Variants in ABCA6 observed in about 807,000 individuals in gnomAD.
The protein encoded by ABCA6 is ATP binding cassette subfamily A member 6, also known as ATP-binding cassette sub-family A member 6.
Under a neutral mutation model 191.2 loss-of-function variants are expected in ABCA6, and 164 were observed. The ratio of observed to expected loss-of-function variants is 0.86; its 90% CI spans 0.76 to 0.98. The LOEUF (loss-of-function observed/expected upper bound fraction) is 0.98, where lower values mean the gene tolerates loss of function less well. Ranked by LOEUF, ABCA6 falls within the 50% of genes least tolerant of loss-of-function variation. The probability of loss-of-function intolerance (pLI) is 0.00; values close to 1 mark genes in which losing one functional copy is unlikely to be tolerated. For missense variants in ABCA6, 1,958 were observed against 1,894.1 expected, an observed-to-expected ratio of 1.03 and a Z score of -0.63; for synonymous variants, 636 against 647.7, an observed-to-expected ratio of 0.98 and a Z score of 0.27.
chr17:69,106,079 G>C lies in ABCA6; in HGVS notation c.2522C>G (p.Ala841Gly). 1 of 1,613,510 alleles carries C rather than the reference G, an allele frequency of 6.2e-7. No individual in the cohort carries two copies. Among genetic ancestry groups the C allele is most frequent in the Admixed American group, 1.7e-5 (1 of 59,946 alleles). Residue 841 changes from alanine to glycine, a missense_variant, in exon 19 of 39, where the codon GCA becomes GGA. Transcript: ENST00000284425. ...TTTTAACTTTAAGAAACGGAGCCGTGCCATGGCAAAGACTTGCATTCTCCA... is the reference window on the plus strand; with the variant it reads ...TTTTAACTTTAAGAAACGGAGCCGTCCCATGGCAAAGACTTGCATTCTCCA... The part of the protein sequence containing the change: ...GLWRMQVFAM[A>G]RLRFLKLKRQ...
In ABCA6 at chr17:69,084,490, T is replaced by C; in HGVS notation, c.4202A>G (p.Lys1401Arg). The C allele has an allele frequency of 6.2e-7, 1 of 1,614,146 alleles. No individual in the cohort carries two copies. The highest frequency in any genetic ancestry group is 8.5e-7 in the Non-Finnish European group (1 of 1,180,022). Residue 1401 changes from lysine to arginine, a missense_variant, in exon 33 of 39, where the codon AAA becomes AGA. Transcript: ENST00000284425. ...LAIARLVSAF[K>R]LHEQLNVPVQ... ...AGGAACATTCAGCTGCTCATGCAGT[T>C]TGAAAGCACTCACTAATCTGACAGA...
intron 10 of ABCA6, among the ~76,000 whole-genome samples, chr17:69,118,792 T>A (rs2073584445): frequency 6.6e-6 from 1 of 152,042 alleles, no homozygotes; most frequent in South Asian, 2.1e-4. Flanking sequence ...ATGGATCTTC[T>A]CATTTGAGAC....
intron 4 of ABCA6, chr17:69,135,103 A>G: frequency 4.6e-6 from 1 of 216,076 alleles, no homozygotes; most frequent in Non-Finnish European, 9.0e-6. Flanking sequence ...CTGGTCTCGA[A>G]CTCCTGACCT....
Position 69,096,298 on chromosome 17 carries a change from G to T in ABCA6, c.3350C>A (p.Ser1117Ter). 1 of 1,532,758 alleles carries T rather than the reference G, an allele frequency of 6.5e-7. No homozygotes were observed. Among genetic ancestry groups the T allele is most frequent in the Non-Finnish European group, 8.8e-7 (1 of 1,141,280 alleles). 94.9% of individuals were successfully genotyped at this position (1,532,758 alleles called of 1,614,324 possible). The change falls in exon 25 of 39, where the codon TCA (serine) becomes TAA (stop). Residue 1117 changes from serine to a stop codon, truncating the protein, a stop_gained. Transcript: ENST00000284425. LOFTEE classifies it high-confidence loss of function. ...TTTTCTCCTTTTGCGAAAAATAAAT[G>T]ATATCATATATATGAAGAAGACAAG... is the stretch of plus-strand genomic sequence containing the variant. ...ASLVFFIYMI[S>*]FIFRKRRKNS... is the part of the protein sequence containing the mutation.
At chr17:69,112,137 C>T in intron 16 of ABCA6, 46 bp downstream of exon 16, 1 of 1,344,240 alleles carries the variant, frequency 7.4e-7, no homozygotes. Flanking sequence ...TTTTCATATA[C>T]CAGTATTGCA....
chr17:69,115,479 G>T lies in ABCA6; in HGVS notation c.1503C>A (p.Leu501=). 1 of 1,606,918 alleles carries T rather than the reference G, an allele frequency of 6.2e-7. No individual in the cohort carries two copies. ...TGATTTGACCTTCATATATGTCAAAGAGCAAGCCTATTTTTAGAACAAATT... is the reference window on the plus strand; with the variant it reads ...TGATTTGACCTTCATATATGTCAAATAGCAAGCCTATTTTTAGAACAAATT... ...SGKVEALKGL[L]FDIYEGQITA... The change falls in exon 12 of 39, where the codon CTC becomes CTA. Residue 501 remains leucine, a synonymous_variant. Coordinates refer to ENST00000284425, the MANE Select transcript of ABCA6 (RefSeq NM_080284.3).
intron 8 of ABCA6, among the ~76,000 whole-genome samples, chr17:69,125,450 G>T (rs2073733384): frequency 6.6e-6 from 1 of 151,972 alleles, no homozygotes. Context: ...TTTGTATTTA[G>T]AATTTTGCCA....
At chr17:69,113,549 A>C in intron 14 of ABCA6, 69 bp downstream of exon 14, 1 of 1,607,458 alleles carries the variant, frequency 6.2e-7, no homozygotes, top group Non-Finnish European at 8.5e-7. Context: ...TACCACTTTT[A>C]GTGGTAAAAG....
In ABCA6 at chr17:69,133,644, A is replaced by G; in HGVS notation, c.788T>C (p.Phe263Ser). 1.3e-6 allele frequency: 2 copies of G among 1,574,322 alleles called. No individual in the cohort carries two copies. The highest frequency in any genetic ancestry group is 1.7e-6 in the Non-Finnish European group (2 of 1,154,736). The change falls in exon 6 of 39, where the codon TTC (phenylalanine) becomes TCC (serine). Residue 263 changes from phenylalanine (F) to serine (S), a missense_variant. Physicochemically the swap from Phe to Ser is radical, Grantham distance 155. Coordinates refer to ENST00000284425, the MANE Select transcript of ABCA6 (RefSeq NM_080284.3). ...MKMMGLQDSA[F>S]WLSWGLIYAG... Reference sequence around the variant, plus strand: ...ACTACTTGAATTAGTCACTCACCAGAATGCTGAATCTTGGAGACCCATCAT... The same window carrying G: ...ACTACTTGAATTAGTCACTCACCAGGATGCTGAATCTTGGAGACCCATCAT...
In ABCA6 at chr17:69,106,021, T is replaced by TACTC; in HGVS notation, c.2573+3_2573+6dup. 6.2e-7 allele frequency: 1 copy of TACTC among 1,602,626 alleles called. No individual in the cohort carries two copies. Among genetic ancestry groups the TACTC allele is most frequent in the South Asian group, 1.1e-5 (1 of 88,724 alleles). ...ATCTAACAAAACCACAGTACTCTCC[T>TACTC]ACTCACAGGGTCAATAACACTTTAG... On this transcript the variant is annotated splice_region_variant and intron_variant, in intron 19 of 38. Transcript: ENST00000284425.
intron 10 of ABCA6, among the ~76,000 whole-genome samples, chr17:69,122,866 A>G (rs1325403966): frequency 2.0e-5 from 3 of 152,048 alleles, no homozygotes; most frequent in Non-Finnish European, 4.4e-5. Context: ...AAAAACAAAT[A>G]TCTTCTCCTT....
At chr17:69,101,046 C>T in intron 21 of ABCA6, 112 bp from the exon 22 acceptor site, 1 of 892,574 alleles carries the variant, frequency 1.1e-6, no homozygotes. Context: ...TGTCCATCTT[C>T]AAGTGAACTA....
rs140089208 is a variant in ABCA6, at chr17:69,139,706, G to A, written c.96+902C>T. On this transcript the variant is annotated intron_variant, in intron 2 of 38. Coordinates refer to ENST00000284425, the MANE Select transcript of ABCA6 (RefSeq NM_080284.3). ...ACACTTGGAACCAACCCAAATGTCC[G>A]ACAATGATAGACTGGATTAAGAAAA... 3.4e-3 allele frequency among the ~76,000 whole-genome samples: 510 copies of A among 152,064 alleles called. 3 individuals are homozygous for A. Among genetic ancestry groups the A allele is most frequent in the African/African-American group, 2.9e-3 (121 of 41,478 alleles).
At chr17:69,118,010 G>A (rs1035287480) in intron 10 of ABCA6, 54 bp from the exon 11 acceptor site, 14 of 1,318,220 alleles carry the variant, frequency 1.1e-5, no homozygotes, top group African/African-American at 3.0e-5. Context: ...AAAATAGCAC[G>A]GGCCATTTAT....
At position 69,129,598 on chromosome 17, in the gene ABCA6, G is replaced by T. The variant is rs745762381; in HGVS notation, c.933+12C>A. On this transcript the variant is annotated intron_variant, in intron 7 of 38. Transcript: ENST00000284425. The stretch of plus-strand genomic sequence containing the variant: ...TAAAGCAGAGAAAGTGGTAATAAAT[G>T]TATCAACTTACCAAAGATAAGCCAT... The T allele has an allele frequency of 1.3e-6, 2 of 1,575,062 alleles. No homozygotes were observed. The highest frequency in any genetic ancestry group is 3.7e-5 in the Admixed American group (2 of 53,678).
At chr17:69,082,519 T>A (rs1457202898) in intron 36 of ABCA6, among the ~76,000 whole-genome samples, 1 of 152,180 alleles carries the variant, frequency 6.6e-6, no homozygotes, top group Non-Finnish European at 1.5e-5. Flanking sequence ...TCTTTTAAAT[T>A]TTAAATATTT....
chr17:69,117,824 T>C, intron 11 of ABCA6, 74 bp downstream of exon 11: 1 of 1,130,380 alleles, frequency 8.8e-7, no homozygotes, highest in Non-Finnish European at 1.3e-6. Flanking sequence ...TCAAATTTTT[T>C]CACATTGAAT....
In ABCA6 at chr17:69,129,773, T is replaced by C. The variant is rs1287848341; in HGVS notation, c.792-22A>G. 3.9e-6 allele frequency: 6 copies of C among 1,535,618 alleles called. No individual in the cohort carries two copies. The African/African-American group carries it at 4.2e-5, about 11-fold the overall frequency. On this transcript the variant is annotated intron_variant, in intron 6 of 38. Transcript: ENST00000284425. ...GAGCCTAAATAAAGACAAAAAGTTA[T>C]ATAAATTATGTTAACTTATTTACAA... is the stretch of plus-strand genomic sequence containing the variant.
intron 16 of ABCA6, 41 bp from the exon 17 acceptor site, chr17:69,110,981 C>T (rs2073411903): frequency 6.5e-7 from 1 of 1,536,096 alleles, no homozygotes; most frequent in Non-Finnish European, 8.8e-7. Context: ...GCATTTTCTC[C>T]ACCACTATCA....
Sources: allele counts gnomAD v4.1 joint callset (sites outside exome capture counted in the v4.1 genomes callset), GRCh38; gene constraint gnomAD v4.1.1; transcripts MANE v1.5; gene names NCBI Gene and HGNC (gene_info 2026-07-23, HGNC 2026-07-21).